STX7: variants seen among roughly 807,000 people sequenced by gnomAD.
STX7 encodes syntaxin-7.
In STX7, 34 loss-of-function variants were observed where a neutral mutation model predicts 39.6. The ratio of observed to expected loss-of-function variants is 0.86; its 90% CI spans 0.65 to 1.14. STX7 has a LOEUF of 1.14. Among genes scored for constraint, STX7 ranks in the 50% most tolerant of loss-of-function variants. The probability of loss-of-function intolerance (pLI) is 0.00; values close to 1 mark genes in which losing one functional copy is unlikely to be tolerated. For missense variants in STX7, 284 were observed against 310.4 expected (o/e 0.92, Z 0.64); for synonymous variants, 119 against 99.1 (o/e 1.20, Z -1.19).
intron 5 of STX7, among the ~76,000 whole-genome samples, chr6:132,471,147 A>G (rs1255273473): frequency 3.3e-5 from 5 of 152,230 alleles, no homozygotes; most frequent in Non-Finnish European, 7.3e-5. Context: ...GTACACAAGC[A>G]GAAAGCCTCA....
At chr6:132,483,290 T>C (rs1052081883) in intron 2 of STX7, among the ~76,000 whole-genome samples, 1 of 152,204 alleles carries the variant, frequency 6.6e-6, no homozygotes, top group African/African-American at 2.4e-5. Flanking sequence ...ATACCTAATA[T>C]ATAATAAATG....
intron 2 of STX7, among the ~76,000 whole-genome samples, chr6:132,500,137 T>G (rs1011901427): frequency 3.3e-5 from 5 of 152,150 alleles, no homozygotes; most frequent in African/African-American, 1.2e-4. Flanking sequence ...CCAGCATACC[T>G]CCCTGCTATT....
intron 2 of STX7, among the ~76,000 whole-genome samples, chr6:132,496,637 T>A (rs551363021): frequency 2.2e-4 from 33 of 152,280 alleles, no homozygotes; most frequent in Admixed American, 9.8e-4. Context: ...TCGGGACTCT[T>A]AAAAAACTTT....
At chr6:132,506,533 T>C (rs1195934710) in intron 1 of STX7, among the ~76,000 whole-genome samples, 2 of 152,044 alleles carry the variant, frequency 1.3e-5, no homozygotes, top group Non-Finnish European at 2.9e-5. Context: ...TAAATGCAAA[T>C]TAATACCACA....
chr6:132,472,417 A>C, intron 3 of STX7, 42 bp from the exon 4 acceptor site: 1 of 1,467,756 alleles, frequency 6.8e-7, no homozygotes, highest in South Asian at 1.3e-5. Flanking sequence ...GGACTAATAT[A>C]CTTCTTTAAG....
Position 132,485,052 on chromosome 6 carries a change from T to C in STX7, c.86-9390A>G, listed in dbSNP as rs1582665785. On this transcript the variant is annotated intron_variant, in intron 2 of 9. Transcript: ENST00000367941. ...ATTGAGGTACAACTGACAAAGCGCA[T>C]AAACTATAGTTTTACAAGTTTGGAC... Among the ~76,000 whole-genome samples, 8 of 152,328 alleles carry C rather than the reference T, an allele frequency of 5.3e-5. No homozygotes were observed. In the South Asian group the frequency reaches 1.7e-3, roughly 32 times the overall value.
chr6:132,461,869 G>T, intron 9 of STX7: 6 of 1,538,048 alleles, frequency 3.9e-6, no homozygotes, highest in Non-Finnish European at 5.3e-6. Context: ...TTCTTACAAA[G>T]TAGAAAAATT....
At chr6:132,481,918 T>G (rs1458589749) in intron 2 of STX7, among the ~76,000 whole-genome samples, 1 of 152,206 alleles carries the variant, frequency 6.6e-6, no homozygotes, top group African/African-American at 2.4e-5. Flanking sequence ...CATTTCAGTT[T>G]GGAGATTCAA....
At position 132,451,204 on chromosome 6, in the gene STX7, C is replaced by G. The variant is rs760557824; in HGVS notation, c.*9554G>C. 5.3e-5 allele frequency: 8 copies of G among 150,934 alleles called. No homozygotes were observed. The highest frequency in any genetic ancestry group is 1.2e-4 in the Non-Finnish European group (8 of 67,954). The allele number at this position is 150,934 out of a possible 1,614,324, so 9.3% of individuals were successfully genotyped here. On this transcript the variant is annotated 3_prime_UTR_variant, in exon 10 of 10. Coordinates refer to ENST00000367941, the MANE Select transcript of STX7 (RefSeq NM_003569.3). The stretch of plus-strand genomic sequence containing the variant: ...TCTCCGCCTACGGGTTCAAGTGATT[C>G]TCCTGCCTCAGCTTCCCAAATGGCT...
chr6:132,473,523 T>G (rs969887021), intron 3 of STX7, among the ~76,000 whole-genome samples: 29 of 150,610 alleles, frequency 1.9e-4, no homozygotes, highest in South Asian at 6.2e-4. Flanking sequence ...TTGTGTTGTT[T>G]TTTTTTTTTT....
In STX7 at chr6:132,454,474, G is replaced by A. The variant is rs574019985; in HGVS notation, c.*6284C>T. The A allele has an allele frequency of 9.2e-5, 14 of 152,230 alleles. No individual in the cohort carries two copies. Among genetic ancestry groups the A allele is most frequent in the African/African-American group, 3.4e-4 (14 of 41,538 alleles). The allele number at this position is 152,230 out of a possible 1,614,324, so 9.4% of individuals were successfully genotyped here. A position where few individuals can be genotyped will look rare whatever the true frequency, so the allele number is the denominator to read the frequency against. ...ACAAAGTGAAAGGTACACGAAAGAG[G>A]TCTCTGTATTATTTCTTACAACAGC... is the stretch of plus-strand genomic sequence containing the variant. On this transcript the variant is annotated 3_prime_UTR_variant, in exon 10 of 10. Coordinates refer to ENST00000367941, the MANE Select transcript of STX7 (RefSeq NM_003569.3).
chr6:132,461,832 C>T, intron 9 of STX7: 1 of 1,540,180 alleles, frequency 6.5e-7, no homozygotes, highest in Non-Finnish European at 8.8e-7. Context: ...GGCGTTTGTA[C>T]CTCACATCAA....
chr6:132,499,603 A>ACCAC (rs1775501451), intron 2 of STX7, among the ~76,000 whole-genome samples: 1 of 152,122 alleles, frequency 6.6e-6, no homozygotes, highest in Non-Finnish European at 1.5e-5. Context: ...AACATTCTTT[A>ACCAC]ATTTCTAGAA....
At chr6:132,495,918 CT>C (rs1407001561) in intron 2 of STX7, among the ~76,000 whole-genome samples, 2 of 152,176 alleles carry the variant, frequency 1.3e-5, no homozygotes, top group Admixed American at 1.3e-4. Context: ...CCAAAAACAT[CT>C]GTTTCGATTT....
At chr6:132,510,767 G>A (rs943494341) in intron 1 of STX7, among the ~76,000 whole-genome samples, 2 of 152,078 alleles carry the variant, frequency 1.3e-5, no homozygotes, top group African/African-American at 4.8e-5. Context: ...ACTATAAAGA[G>A]AAAAACAGGA....
At chr6:132,494,672 C>T (rs1384358407) in intron 2 of STX7, among the ~76,000 whole-genome samples, 1 of 152,110 alleles carries the variant, frequency 6.6e-6, no homozygotes, top group Non-Finnish European at 1.5e-5. Context: ...TGTGGAGCAG[C>T]AGAGCAGCAC....
intron 5 of STX7, 133 bp downstream of exon 5, chr6:132,471,330 A>G: frequency 9.5e-7 from 1 of 1,056,306 alleles, no homozygotes; most frequent in South Asian, 2.2e-5. Context: ...AAGCATAAAA[A>G]TAAATATTCA....
intron 9 of STX7, chr6:132,461,719 A>T (rs1471934690): frequency 9.3e-7 from 1 of 1,081,012 alleles, no homozygotes; most frequent in Non-Finnish European, 1.3e-6. Context: ...CTCAACAAAC[A>T]AAACCACAGA....
rs1774128582 is a variant in STX7, at chr6:132,451,156, G to A, written c.*9602C>T. 1 of 149,080 alleles carries A rather than the reference G, an allele frequency of 6.7e-6. No individual in the cohort carries two copies. The highest frequency in any genetic ancestry group is 1.5e-5 in the Non-Finnish European group (1 of 67,688). The allele number at this position is 149,080 out of a possible 1,614,324, so 9.2% of individuals were successfully genotyped here. A position where few individuals can be genotyped will look rare whatever the true frequency, so the allele number is the denominator to read the frequency against. On this transcript the variant is annotated 3_prime_UTR_variant, in exon 10 of 10. Transcript: ENST00000367941. ...TCTGTTGCTCAGACTGGAGTACAGT[G>A]GTGCGATCTCAGCTCACTGTAATCT...
Sources: gnomAD v4.1 joint callset for allele counts (sites outside exome capture counted in the v4.1 genomes callset) on GRCh38, gnomAD v4.1.1 for gene constraint, MANE v1.5 for transcripts, NCBI Gene and HGNC (gene_info 2026-07-23, HGNC 2026-07-21) for gene names.